The following EMC7 variants were observed in gnomAD, a reference collection of about 807,000 sequenced individuals.
The protein encoded by EMC7 is endoplasmic reticulum membrane protein complex subunit 7.
Under a neutral mutation model 24.4 loss-of-function variants are expected in EMC7, and 4 were observed. That is an observed-to-expected ratio of 0.16 (90% CI 0.08 to 0.38). The LOEUF is 0.38. Among genes scored for constraint, EMC7 ranks in the 10% least tolerant of loss-of-function variants. The pLI, the probability that EMC7 is intolerant of heterozygous loss-of-function variation, is 1.00. For missense variants in EMC7, 221 were observed against 300.6 expected (o/e 0.74, Z 1.96); for synonymous variants, 106 against 112.0 (o/e 0.95, Z 0.34).
chr15:34,101,351 G>A (rs748482960), intron 1 of EMC7, among the ~76,000 whole-genome samples: 54 of 152,138 alleles, frequency 3.5e-4, no homozygotes, highest in Non-Finnish European at 7.2e-4. Flanking sequence ...CCAAAATAAG[G>A]TTGGAAATAA....
intron 4 of EMC7, among the ~76,000 whole-genome samples, 183 bp downstream of exon 4, chr15:34,087,870 G>A (rs1051278910): frequency 2.0e-5 from 3 of 152,092 alleles, no homozygotes; most frequent in African/African-American, 7.2e-5. Context: ...AAACCCACAG[G>A]TGGGGCCAGG....
chr15:34,097,619 T>C (rs879800135), intron 1 of EMC7, among the ~76,000 whole-genome samples: 1 of 152,012 alleles, frequency 6.6e-6, no homozygotes, highest in East Asian at 1.9e-4. Context: ...AAACAAATGG[T>C]TCTAAAATGA....
chr15:34,088,050 T>G lies in EMC7; in HGVS notation c.576+3A>C, dbSNP rs752417330. 3 of 1,605,520 alleles carry G rather than the reference T, an allele frequency of 1.9e-6. No individual in the cohort carries two copies. The highest frequency in any genetic ancestry group is 2.5e-6 in the Non-Finnish European group (3 of 1,177,388). On this transcript the variant is annotated splice_donor_region_variant and intron_variant, in intron 4 of 4. Transcript: ENST00000256545. Reference sequence around the variant, plus strand: ...AAAATCCATAGCTGGACCATCATCTTACCCGTCTCATGTCAGGATCACTTG... The same window carrying G: ...AAAATCCATAGCTGGACCATCATCTGACCCGTCTCATGTCAGGATCACTTG...
intron 4 of EMC7, chr15:34,085,907 T>C (rs147659281): frequency 2.6e-5 from 4 of 153,978 alleles, no homozygotes; most frequent in Non-Finnish European, 5.7e-5. Flanking sequence ...ATGAGAGCCG[T>C]TGATTCCTTT....
intron 1 of EMC7, among the ~76,000 whole-genome samples, chr15:34,097,039 C>CTTTTTTTTTTTTTTTTTTTT: frequency 2.3e-4 from 22 of 97,622 alleles, no homozygotes; most frequent in African/African-American, 5.2e-4. Context: ...TGTTCTTCTT[C>CTTTTTTTTTTTTTTTTTTTT]TTTTTTTTTT....
chr15:34,095,299 A>G (rs1234049462), intron 2 of EMC7, among the ~76,000 whole-genome samples: 1 of 152,236 alleles, frequency 6.6e-6, no homozygotes, highest in Admixed American at 6.5e-5. Context: ...TTCTATTATA[A>G]TGGGAAGCTG....
chr15:34,087,882 A>G (rs1597403703), intron 4 of EMC7, among the ~76,000 whole-genome samples, 171 bp downstream of exon 4: 1 of 152,136 alleles, frequency 6.6e-6, no homozygotes, highest in Admixed American at 6.6e-5. Context: ...GGGGCCAGGC[A>G]TGGTGCCTCG....
chr15:34,085,498 CTT>C (rs879880058), intron 4 of EMC7, among the ~76,000 whole-genome samples: 1 of 144,950 alleles, frequency 6.9e-6, no homozygotes, highest in Non-Finnish European at 1.5e-5. Context: ...TTTTTCTTTT[CTT>C]TTTTTTTTTA....
At chr15:34,094,775 T>G (rs1421940868) in intron 2 of EMC7, among the ~76,000 whole-genome samples, 1 of 152,186 alleles carries the variant, frequency 6.6e-6, no homozygotes, top group Non-Finnish European at 1.5e-5. Context: ...AAGAAATCAC[T>G]GCTTGTCTAT....
At chr15:34,085,922 C>G (rs1403666765) in intron 4 of EMC7, 1 of 155,746 alleles carries the variant, frequency 6.4e-6, no homozygotes, top group African/African-American at 2.5e-5. Context: ...TCCTTTTCCT[C>G]ACTGTGGAGC....
At chr15:34,089,184 C>T (rs558539552) in intron 3 of EMC7, among the ~76,000 whole-genome samples, 2 of 152,208 alleles carry the variant, frequency 1.3e-5, no homozygotes, top group South Asian at 4.2e-4. Flanking sequence ...GACAGCAATT[C>T]AATTTTTAAA....
intron 2 of EMC7, among the ~76,000 whole-genome samples, chr15:34,091,089 G>C (rs1900967449): frequency 6.6e-6 from 1 of 151,866 alleles, no homozygotes; most frequent in South Asian, 2.1e-4. Context: ...TTTCTGATCT[G>C]TCTCCCACTT....
At chr15:34,093,823 A>ATATATTTTTTTTT (rs1190830993) in intron 2 of EMC7, among the ~76,000 whole-genome samples, 30 of 48,670 alleles carry the variant, frequency 6.2e-4, no homozygotes, top group African/African-American at 2.8e-3. Flanking sequence ...ATATATATAT[A>ATATATTTTTTTTT]TTTTTTTTTT....
chr15:34,101,240 T>G (rs1901169255), intron 1 of EMC7, among the ~76,000 whole-genome samples: 1 of 152,144 alleles, frequency 6.6e-6, no homozygotes, highest in Non-Finnish European at 1.5e-5. Flanking sequence ...AAAAAACGAC[T>G]AGGTTCTAGG....
chr15:34,094,817 A>G (rs995333859), intron 2 of EMC7, among the ~76,000 whole-genome samples: 2 of 152,220 alleles, frequency 1.3e-5, no homozygotes, highest in African/African-American at 2.4e-5. Flanking sequence ...ATGATGTCAA[A>G]TCCACCAATG....
At chr15:34,097,984 A>AG (rs397744316) in intron 1 of EMC7, among the ~76,000 whole-genome samples, 1 of 151,326 alleles carries the variant, frequency 6.6e-6, no homozygotes, top group Admixed American at 6.6e-5. Context: ...AAAAAAAAAA[A>AG]GTAAGATGAA....
intron 1 of EMC7, 132 bp from the exon 2 acceptor site, chr15:34,096,146 G>A (rs1901061986): frequency 1.0e-5 from 11 of 1,050,248 alleles, no homozygotes; most frequent in Non-Finnish European, 1.4e-5. Context: ...CAAAACCTTG[G>A]CGAAAGTTGT....
intron 1 of EMC7, chr15:34,100,819 C>A (rs1049949438): frequency 6.6e-5 from 10 of 152,004 alleles, no homozygotes; most frequent in East Asian, 3.9e-4. Flanking sequence ...AGATTTAAAA[C>A]AACATACGCG....
At chr15:34,085,133 T>C (rs1278302300) in intron 4 of EMC7, among the ~76,000 whole-genome samples, 1 of 152,192 alleles carries the variant, frequency 6.6e-6, no homozygotes, top group Non-Finnish European at 1.5e-5. Context: ...AAGGTATCAG[T>C]ACAGTTTGGA....
Sources: allele counts gnomAD v4.1 joint callset (sites outside exome capture counted in the v4.1 genomes callset), GRCh38; gene constraint gnomAD v4.1.1; transcripts MANE v1.5; gene names NCBI Gene and HGNC (gene_info 2026-07-23, HGNC 2026-07-21).